The following PLB1 variants were observed in gnomAD, a reference collection of about 807,000 sequenced individuals.
PLB1 encodes the protein phospholipase B1.
PLB1 carries 242 observed loss-of-function variants against 227.4 expected under a neutral mutation model. The ratio of observed to expected loss-of-function variants is 1.06; its 90% CI spans 0.96 to 1.18. The LOEUF (loss-of-function observed/expected upper bound fraction) is 1.18. Among genes scored for constraint, PLB1 ranks in the 50% most tolerant of loss-of-function variants. The probability of loss-of-function intolerance (pLI) is 0.00; values close to 1 mark genes in which losing one functional copy is unlikely to be tolerated. For synonymous variants in PLB1, 757 were observed against 682.2 expected, an observed-to-expected ratio of 1.11 and a Z score of -1.71; for missense variants, 1,858 against 1,816.3, an observed-to-expected ratio of 1.02 and a Z score of -0.42.
chr2:28,566,544 C>G, intron 19 of PLB1: 1 of 502,932 alleles, frequency 2.0e-6, no homozygotes, highest in Non-Finnish European at 3.6e-6. Flanking sequence ...AACCTACCTC[C>G]CCTTCCCCAA....
At chr2:28,535,901 C>T (rs1671618638) in intron 9 of PLB1, among the ~76,000 whole-genome samples, 1 of 152,114 alleles carries the variant, frequency 6.6e-6, no homozygotes, top group African/African-American at 2.4e-5. Flanking sequence ...GCCTGAGCAA[C>T]AGAGTGAGAC....
At chr2:28,528,887 C>G (rs1200064115) in intron 6 of PLB1, among the ~76,000 whole-genome samples, 2 of 151,274 alleles carry the variant, frequency 1.3e-5, no homozygotes, top group Non-Finnish European at 2.9e-5. Context: ...AAGGACCATG[C>G]CTTGGAATAG....
intron 1 of PLB1, among the ~76,000 whole-genome samples, chr2:28,505,898 A>G (rs1376283496): frequency 6.6e-6 from 1 of 152,084 alleles, no homozygotes; most frequent in Non-Finnish European, 1.5e-5. Flanking sequence ...TCTACATCCC[A>G]ATGCCTCCAT....
At position 28,632,871 on chromosome 2, in the gene PLB1, G is replaced by A. The variant is rs530631859; in HGVS notation, c.4003-73G>A. On this transcript the variant is annotated intron_variant, in intron 55 of 57. Transcript: ENST00000327757. The stretch of plus-strand genomic sequence containing the variant: ...GAAAGGAGACATGCCCAGGGCACCT[G>A]CTGGGAGAGTGAGTGGGGCTCAGGT... The A allele has an allele frequency of 8.0e-5, 89 of 1,116,658 alleles. No individual in the cohort carries two copies. In the South Asian group the frequency reaches 1.1e-3, roughly 13 times the overall value. 69.2% of individuals were successfully genotyped at this position (1,116,658 alleles called of 1,614,324 possible).
At chr2:28,618,457 A>G in intron 46 of PLB1, 58 bp downstream of exon 46, 2 of 1,543,930 alleles carry the variant, frequency 1.3e-6, no homozygotes, top group South Asian at 1.1e-5. Context: ...GGCCCTGCGC[A>G]GAATCTGTGC....
At chr2:28,530,542 C>A (rs888479246) in intron 8 of PLB1, among the ~76,000 whole-genome samples, 2 of 152,156 alleles carry the variant, frequency 1.3e-5, no homozygotes, top group Non-Finnish European at 2.9e-5. Flanking sequence ...AGTGTGGAGG[C>A]CTCTGTCACA....
At chr2:28,551,485 A>G (rs1674247863) in intron 16 of PLB1, among the ~76,000 whole-genome samples, 1 of 152,226 alleles carries the variant, frequency 6.6e-6, no homozygotes, top group Non-Finnish European at 1.5e-5. Context: ...ATTTGCTCCA[A>G]ATAGTGGAGG....
chr2:28,634,757 A>G (rs1239102529), intron 56 of PLB1, among the ~76,000 whole-genome samples: 3 of 152,122 alleles, frequency 2.0e-5, no homozygotes, highest in African/African-American at 7.2e-5. Context: ...AAAATAATCA[A>G]AATATTAGCC....
At chr2:28,626,367 G>A in intron 50 of PLB1, 61 bp from the exon 51 acceptor site, 1 of 1,454,014 alleles carries the variant, frequency 6.9e-7, no homozygotes, top group Non-Finnish European at 9.7e-7. Context: ...GGCTGGCCCA[G>A]TAGCAACATT....
intron 42 of PLB1, 150 bp from the exon 43 acceptor site, chr2:28,606,346 C>T (rs958373441): frequency 6.4e-5 from 47 of 732,182 alleles, no homozygotes; most frequent in Non-Finnish European, 9.8e-5. Context: ...CCCAAAACCC[C>T]ACGGCTGGCA....
intron 33 of PLB1, 126 bp from the exon 34 acceptor site, chr2:28,597,879 T>C (rs542359918): frequency 1.8e-5 from 16 of 873,228 alleles, no homozygotes; most frequent in Admixed American, 7.5e-5. Context: ...CAGAGATGGG[T>C]CTGGCCCATC....
intron 15 of PLB1, among the ~76,000 whole-genome samples, chr2:28,549,786 A>AG (rs776800367): frequency 1.3e-5 from 2 of 152,168 alleles, no homozygotes; most frequent in Non-Finnish European, 2.9e-5. Flanking sequence ...ATGAACCCCC[A>AG]GGGTAAAGAG....
Position 28,516,870 on chromosome 2 carries a change from G to A in PLB1, c.117+1G>A. 1 of 1,613,538 alleles carries A rather than the reference G, an allele frequency of 6.2e-7. No homozygotes were observed. The highest frequency in any genetic ancestry group is 8.5e-7 in the Non-Finnish European group (1 of 1,179,438). ...ATTGGAAGGGCAGCTATGGCCAGAG[G>A]TAAGGGCTTTGGCTGGTGGGAGGTG... On this transcript the variant is annotated splice_donor_variant, in intron 2 of 57. Transcript: ENST00000327757. LOFTEE classifies it high-confidence loss of function.
At chr2:28,538,629 C>T (rs1672038342) in intron 10 of PLB1, among the ~76,000 whole-genome samples, 1 of 152,212 alleles carries the variant, frequency 6.6e-6, no homozygotes, top group African/African-American at 2.4e-5. Context: ...TGGCCCTGCT[C>T]TTCCCTAAGG....
intron 35 of PLB1, among the ~76,000 whole-genome samples, chr2:28,600,289 G>C (rs1219060279): frequency 2.0e-5 from 3 of 152,174 alleles, no homozygotes; most frequent in African/African-American, 7.2e-5. Context: ...ATTTAGATAA[G>C]TTTACAAACA....
At chr2:28,581,980 A>G (rs202109681) in intron 23 of PLB1, 88 bp from the exon 24 acceptor site, 5 of 1,266,086 alleles carry the variant, frequency 3.9e-6, no homozygotes, top group Non-Finnish European at 4.4e-6. Flanking sequence ...AAAAAAAAAA[A>G]GAAGGGGACC....
At chr2:28,514,242 G>C (rs1309893285) in intron 1 of PLB1, among the ~76,000 whole-genome samples, 1 of 152,116 alleles carries the variant, frequency 6.6e-6, no homozygotes, top group Non-Finnish European at 1.5e-5. Flanking sequence ...TCAAAGATCT[G>C]TTGACTCTAT....
At chr2:28,527,518 A>G (rs149421401) in intron 6 of PLB1, among the ~76,000 whole-genome samples, 30 of 152,324 alleles carry the variant, frequency 2.0e-4, no homozygotes, top group African/African-American at 6.5e-4. Context: ...CAATCTCAGA[A>G]CTTTAGAGGC....
At chr2:28,629,070 G>A (rs370924985) in intron 52 of PLB1, 24 bp from the exon 53 acceptor site, 21 of 1,607,016 alleles carry the variant, frequency 1.3e-5, no homozygotes, top group East Asian at 1.1e-4. Context: ...GTGCCCTAAC[G>A]AAACCACCCT....
Sources: gnomAD v4.1 joint callset for allele counts (sites outside exome capture counted in the v4.1 genomes callset) on GRCh38, gnomAD v4.1.1 for gene constraint, MANE v1.5 for transcripts, NCBI Gene and HGNC (gene_info 2026-07-23, HGNC 2026-07-21) for gene names.